PCDH15: variants seen among roughly 807,000 people sequenced by gnomAD.
The protein encoded by PCDH15 is protocadherin related 15, also known as protocadherin-15.
A neutral mutation model predicts 178.5 loss-of-function variants in PCDH15; 129 were observed. The ratio of observed to expected loss-of-function variants is 0.72; its 90% confidence interval spans 0.63 to 0.84. PCDH15 has a LOEUF of 0.84. Ranked by LOEUF, PCDH15 falls within the 40% of genes least tolerant of loss-of-function variation. PCDH15 has a pLI of 0.00. For missense variants in PCDH15, 2,230 were observed against 2,099.9 expected, an observed-to-expected ratio of 1.06 and a Z score of -1.21; for synonymous variants, 800 against 732.0, an observed-to-expected ratio of 1.09 and a Z score of -1.50.
intron 2 of PCDH15, among the ~76,000 whole-genome samples, chr10:55,086,901 T>C (rs974446443): frequency 2.0e-5 from 3 of 152,070 alleles, no homozygotes; most frequent in East Asian, 1.9e-4. Flanking sequence ...TACTTGTCTA[T>C]AGAAAATACT....
At chr10:54,846,318 A>C (rs552991954) in intron 3 of PCDH15, among the ~76,000 whole-genome samples, 25 of 152,304 alleles carry the variant, frequency 1.6e-4, no homozygotes, top group African/African-American at 6.0e-4. Flanking sequence ...TTTTAGGTCA[A>C]CTATTAAACA....
At chr10:54,252,869 T>C (rs542230569) in intron 8 of PCDH15, among the ~76,000 whole-genome samples, 189 of 152,146 alleles carry the variant, frequency 1.2e-3, no homozygotes, top group African/African-American at 4.3e-3. Context: ...TATTATTCTA[T>C]TTATGTATAA....
intron 1 of PCDH15, among the ~76,000 whole-genome samples, chr10:54,762,080 T>C (rs1390901594): frequency 1.3e-5 from 2 of 152,206 alleles, no homozygotes. Context: ...TCAGATATAC[T>C]CTCCAACTAA....
intron 2 of PCDH15, among the ~76,000 whole-genome samples, chr10:55,543,500 A>C (rs1167509169): frequency 6.6e-6 from 1 of 151,478 alleles, no homozygotes; most frequent in Non-Finnish European, 1.5e-5. Flanking sequence ...TATGTCAGGA[A>C]TTCTATCAGT....
chr10:54,430,214 C>A (rs1589371358), intron 3 of PCDH15, among the ~76,000 whole-genome samples: 1 of 151,998 alleles, frequency 6.6e-6, no homozygotes, highest in East Asian at 1.9e-4. Flanking sequence ...TGCCACCATG[C>A]CCAACTAATT....
At chr10:55,529,519 A>G (rs1841394388) in intron 2 of PCDH15, among the ~76,000 whole-genome samples, 1 of 151,612 alleles carries the variant, frequency 6.6e-6, no homozygotes, top group South Asian at 2.1e-4. Flanking sequence ...CCTGGGCAGC[A>G]ATTTTAAAAA....
At chr10:54,629,662 AC>A (rs1459262071) in intron 2 of PCDH15, among the ~76,000 whole-genome samples, 3 of 152,056 alleles carry the variant, frequency 2.0e-5, no homozygotes, top group Admixed American at 1.3e-4. Flanking sequence ...CTGGAAGCAT[AC>A]CCCTTGGGAA....
chr10:55,472,682 C>A (rs558334319), intron 2 of PCDH15, among the ~76,000 whole-genome samples: 1 of 152,296 alleles, frequency 6.6e-6, no homozygotes, highest in East Asian at 1.9e-4. Flanking sequence ...CATTCTCCTG[C>A]CTCATCCTCC....
intron 25 of PCDH15, among the ~76,000 whole-genome samples, chr10:53,924,052 C>T (rs2084245312): frequency 1.3e-5 from 2 of 152,304 alleles, no homozygotes; most frequent in South Asian, 4.1e-4. Flanking sequence ...GATCTCAGCA[C>T]CTCCTCAGCC....
At chr10:54,569,709 C>T (rs2089528979) in intron 2 of PCDH15, among the ~76,000 whole-genome samples, 1 of 152,120 alleles carries the variant, frequency 6.6e-6, no homozygotes, top group South Asian at 2.1e-4. Context: ...ATTATTTCTA[C>T]TCCCTGAGAA....
chr10:54,201,829 C>A (rs372065707), intron 10 of PCDH15, among the ~76,000 whole-genome samples: 1 of 152,086 alleles, frequency 6.6e-6, no homozygotes, highest in South Asian at 2.1e-4. Context: ...TATAGAATGT[C>A]TTTATTCACA....
chr10:54,574,329 T>C (rs2090210699), intron 2 of PCDH15, among the ~76,000 whole-genome samples: 1 of 149,906 alleles, frequency 6.7e-6, no homozygotes, highest in Admixed American at 6.7e-5. Flanking sequence ...AAAGATCAGA[T>C]AGTTGTAGAT....
chr10:54,307,757 T>G (rs949731989), intron 8 of PCDH15, among the ~76,000 whole-genome samples: 1 of 151,996 alleles, frequency 6.6e-6, no homozygotes, highest in African/African-American at 2.4e-5. Context: ...AATACTGAAT[T>G]AATTAGAAGT....
chr10:54,744,850 C>T (rs1256596168), intron 1 of PCDH15, among the ~76,000 whole-genome samples: 3 of 151,986 alleles, frequency 2.0e-5, no homozygotes, highest in Non-Finnish European at 4.4e-5. Context: ...AAACAGACAC[C>T]TGGATTTCCT....
At chr10:54,990,098 C>T in intron 2 of PCDH15, among the ~76,000 whole-genome samples, 1 of 152,196 alleles carries the variant, frequency 6.6e-6, no homozygotes, top group East Asian at 1.9e-4. Flanking sequence ...TCCATTAAAC[C>T]TCGTTCCTTT....
At chr10:55,308,288 A>G (rs1001615866) in intron 1 of PCDH15, among the ~76,000 whole-genome samples, 2 of 152,116 alleles carry the variant, frequency 1.3e-5, no homozygotes, top group Non-Finnish European at 2.9e-5. Flanking sequence ...CAGACAGGGC[A>G]CACAAGTGGA....
intron 2 of PCDH15, among the ~76,000 whole-genome samples, chr10:55,021,262 A>G (rs1840319793): frequency 6.6e-6 from 1 of 152,122 alleles, no homozygotes; most frequent in Admixed American, 6.5e-5. Flanking sequence ...TTCTGGTATT[A>G]TTTTTCTCCA....
At chr10:54,249,600 T>G (rs2056297100) in intron 8 of PCDH15, among the ~76,000 whole-genome samples, 1 of 152,200 alleles carries the variant, frequency 6.6e-6, no homozygotes, top group Non-Finnish European at 1.5e-5. Flanking sequence ...TAAACATATT[T>G]TCAGTTTGTT....
chr10:54,957,954 T>C (rs1217086142), intron 2 of PCDH15, among the ~76,000 whole-genome samples: 1 of 151,704 alleles, frequency 6.6e-6, no homozygotes, highest in East Asian at 1.9e-4. Flanking sequence ...CTTACCTCTC[T>C]ACCAGGAAGA....
Sources: gnomAD v4.1 joint callset for allele counts (sites outside exome capture counted in the v4.1 genomes callset) on GRCh38, gnomAD v4.1.1 for gene constraint, MANE v1.5 for transcripts, NCBI Gene and HGNC (gene_info 2026-07-23, HGNC 2026-07-21) for gene names.